Variants in SLC17A1 observed in about 807,000 individuals in gnomAD.
The protein encoded by SLC17A1 is solute carrier family 17 member 1.
A neutral mutation model predicts 53.5 loss-of-function variants in SLC17A1; 51 were observed. That is an observed-to-expected ratio of 0.95 (90% CI 0.76 to 1.20). The LOEUF is 1.20. SLC17A1 is among the 50% of genes most tolerant of loss of function. The probability of loss-of-function intolerance (pLI) is 0.00; values close to 1 mark genes in which losing one functional copy is unlikely to be tolerated. For synonymous variants in SLC17A1, 179 were observed against 198.8 expected, an observed-to-expected ratio of 0.90 and a Z score of 0.84; for missense variants, 538 against 568.2, an observed-to-expected ratio of 0.95 and a Z score of 0.54.
At chr6:25,781,647 A>C (rs1763271505), downstream of SLC17A1, among the ~76,000 whole-genome samples, 1 of 152,072 alleles carries the variant, frequency 6.6e-6, no homozygotes, top group African/African-American at 2.4e-5. Flanking sequence ...AAAGTGAAGG[A>C]GTGTAGGCCT....
chr6:25,784,316 A>G (rs188050801), intron 12 of SLC17A1, among the ~76,000 whole-genome samples: 36 of 152,318 alleles, frequency 2.4e-4, no homozygotes, highest in Admixed American at 2.4e-3. Context: ...GAGTCTGGGT[A>G]ATTTATAAAG....
chr6:25,790,008 T>C (rs1389951895), intron 12 of SLC17A1, among the ~76,000 whole-genome samples: 8 of 152,178 alleles, frequency 5.3e-5, no homozygotes, highest in Non-Finnish European at 1.2e-4. Flanking sequence ...GAGGGCATCA[T>C]GCTAGCAACT....
the SLC17A1 span, among the ~76,000 whole-genome samples, chr6:25,758,053 T>G: frequency 2.6e-5 from 4 of 152,236 alleles, no homozygotes; most frequent in East Asian, 7.7e-4. Flanking sequence ...GTGGGACGTA[T>G]CACAGCCTCC....
chr6:25,755,975 C>T, the SLC17A1 span, among the ~76,000 whole-genome samples: 3 of 152,204 alleles, frequency 2.0e-5, no homozygotes, highest in Non-Finnish European at 4.4e-5. Context: ...ATCTCCAAAA[C>T]AGGTCCTGAA....
At chr6:25,826,752 A>G (rs1056236065) in intron 2 of SLC17A1, 119 bp from the exon 3 acceptor site, 2 of 531,478 alleles carry the variant, frequency 3.8e-6, no homozygotes, top group African/African-American at 3.9e-5. Context: ...ATTTTATTGT[A>G]CTTAATGACC....
the SLC17A1 span, among the ~76,000 whole-genome samples, chr6:25,758,815 G>T: frequency 1.3e-5 from 2 of 151,894 alleles, no homozygotes; most frequent in Non-Finnish European, 2.9e-5. Flanking sequence ...CTCTGATCTT[G>T]GTTATTTCTT....
chr6:25,779,209 G>C (rs1379250081), downstream of SLC17A1: 4 of 1,612,394 alleles, frequency 2.5e-6, no homozygotes, highest in South Asian at 2.2e-5. Flanking sequence ...AGATGTGCTA[G>C]ATCCTGGTGC....
At chr6:25,785,846 T>C (rs1174509642) in intron 12 of SLC17A1, among the ~76,000 whole-genome samples, 1 of 152,152 alleles carries the variant, frequency 6.6e-6, no homozygotes, top group East Asian at 1.9e-4. Flanking sequence ...GATGAGGATA[T>C]GGAGAATTGG....
chr6:25,725,253 A>G, the SLC17A1 span, among the ~76,000 whole-genome samples: 43,591 of 152,022 alleles, frequency 0.29, 7,217 homozygotes, highest in East Asian at 0.69. Context: ...TTCTAGTCCC[A>G]TTCCTGCCTG....
At chr6:25,804,961 G>A (rs1763904702) in intron 10 of SLC17A1, among the ~76,000 whole-genome samples, 1 of 152,056 alleles carries the variant, frequency 6.6e-6, no homozygotes, top group Admixed American at 6.5e-5. Context: ...TCCACTGACA[G>A]CAGTAGACAG....
intron 10 of SLC17A1, among the ~76,000 whole-genome samples, chr6:25,803,056 C>A (rs1763835343): frequency 6.7e-6 from 1 of 148,784 alleles, no homozygotes; most frequent in South Asian, 2.2e-4. Flanking sequence ...ACGCCATTCT[C>A]CTGCCTCAGC....
the SLC17A1 span, among the ~76,000 whole-genome samples, chr6:25,753,700 G>C: frequency 1.3e-5 from 2 of 152,100 alleles, no homozygotes; most frequent in African/African-American, 4.8e-5. Context: ...TAACCAAGAT[G>C]GGGGATCCTG....
At chr6:25,726,060 C>G in the SLC17A1 span, 1 of 1,357,522 alleles carries the variant, frequency 7.4e-7, no homozygotes, top group Non-Finnish European at 1.0e-6. Flanking sequence ...TTTTCTGAGA[C>G]GGTAGGTGGC....
intron 2 of SLC17A1, 75 bp from the exon 3 acceptor site, chr6:25,826,708 T>A: frequency 9.0e-7 from 1 of 1,107,454 alleles, no homozygotes; most frequent in Non-Finnish European, 1.2e-6. Context: ...AGGAGGGACA[T>A]TCAGAAATTT....
At chr6:25,727,961 G>A in the SLC17A1 span, among the ~76,000 whole-genome samples, 1 of 151,700 alleles carries the variant, frequency 6.6e-6, no homozygotes, top group Non-Finnish European at 1.5e-5. Flanking sequence ...AGATTGCAGT[G>A]AGCCGAGATC....
intron 3 of SLC17A1, among the ~76,000 whole-genome samples, chr6:25,824,639 A>T (rs758483683): frequency 6.6e-6 from 1 of 151,886 alleles, no homozygotes; most frequent in Admixed American, 6.6e-5. Context: ...GATTTGTATT[A>T]TTACAAATGT....
At chr6:25,769,515 G>T in the SLC17A1 span, among the ~76,000 whole-genome samples, 2 of 151,326 alleles carry the variant, frequency 1.3e-5, no homozygotes, top group African/African-American at 4.9e-5. Context: ...CGGAGATCGT[G>T]CCACTGCACT....
At chr6:25,766,637 G>GT in the SLC17A1 span, among the ~76,000 whole-genome samples, 4 of 152,168 alleles carry the variant, frequency 2.6e-5, no homozygotes, top group Non-Finnish European at 5.9e-5. Flanking sequence ...TTAATATGAT[G>GT]TGATGAGAAT....
At chr6:25,777,779 A>T in the SLC17A1 span, 1 of 626,204 alleles carries the variant, frequency 1.6e-6, no homozygotes, top group Non-Finnish European at 2.9e-6. Flanking sequence ...AATTCCAGTC[A>T]TCTCCAGAGG....
Sources: allele counts gnomAD v4.1 joint callset (sites outside exome capture counted in the v4.1 genomes callset), GRCh38; gene constraint gnomAD v4.1.1; transcripts MANE v1.5; gene names NCBI Gene and HGNC (gene_info 2026-07-23, HGNC 2026-07-21).